Variants in NTM observed in about 807,000 individuals in gnomAD.
The protein encoded by NTM is IgLON family member 2.
In NTM, 13 loss-of-function variants were observed where a neutral mutation model predicts 42.1. That is an observed-to-expected ratio of 0.31 (90% CI 0.20 to 0.49). The LOEUF (loss-of-function observed/expected upper bound fraction) is 0.49. Among genes scored for constraint, NTM ranks in the 20% least tolerant of loss-of-function variants. NTM has a pLI of 0.99. For missense variants in NTM, 373 were observed against 452.8 expected (o/e 0.82, Z 1.60); for synonymous variants, 187 against 179.2 (o/e 1.04, Z -0.35).
intron 1 of NTM, among the ~76,000 whole-genome samples, chr11:131,608,020 A>G (rs1426364805): frequency 1.3e-5 from 2 of 152,102 alleles, no homozygotes. Context: ...CGTCATTTAC[A>G]TTAGGTATAT....
intron 2 of NTM, among the ~76,000 whole-genome samples, chr11:132,119,069 C>A (rs902733201): frequency 6.6e-6 from 1 of 152,148 alleles, no homozygotes; most frequent in African/African-American, 2.4e-5. Context: ...CATGGGTGGC[C>A]CCCATGCTCT....
At chr11:131,993,167 G>A (rs1019470396) in intron 2 of NTM, among the ~76,000 whole-genome samples, 15 of 152,158 alleles carry the variant, frequency 9.9e-5, no homozygotes, top group Admixed American at 2.0e-4. Context: ...ATCAATTTGC[G>A]TCATAGTACA....
intron 1 of NTM, among the ~76,000 whole-genome samples, chr11:131,766,215 G>C (rs777181596): frequency 2.0e-5 from 3 of 152,126 alleles, no homozygotes; most frequent in Admixed American, 6.5e-5. Flanking sequence ...ATGCCCTTTG[G>C]GTTTAAATAG....
chr11:131,793,939 A>G (rs1429041333), intron 1 of NTM, among the ~76,000 whole-genome samples: 3 of 152,222 alleles, frequency 2.0e-5, no homozygotes, highest in Non-Finnish European at 2.9e-5. Flanking sequence ...GAACGACTAG[A>G]GTGCTGGAGG....
At chr11:131,924,490 A>C (rs2057681708) in intron 2 of NTM, among the ~76,000 whole-genome samples, 1 of 152,062 alleles carries the variant, frequency 6.6e-6, no homozygotes, top group Admixed American at 6.5e-5. Context: ...GCCTCTTTTG[A>C]ATTTAGAGGT....
intron 2 of NTM, among the ~76,000 whole-genome samples, chr11:132,039,843 C>A (rs569641471): frequency 6.6e-6 from 1 of 152,284 alleles, no homozygotes; most frequent in East Asian, 1.9e-4. Flanking sequence ...CAGTAAATCA[C>A]CATGAAATCT....
intron 1 of NTM, among the ~76,000 whole-genome samples, chr11:131,443,730 A>G (rs1011917774): frequency 6.6e-6 from 1 of 152,154 alleles, no homozygotes; most frequent in African/African-American, 2.4e-5. Flanking sequence ...ATAAAAGAAG[A>G]GTGACTTCCA....
chr11:132,239,111 GAC>G (rs1262010929), intron 4 of NTM, among the ~76,000 whole-genome samples: 1 of 152,200 alleles, frequency 6.6e-6, no homozygotes, highest in African/African-American at 2.4e-5. Context: ...AGACACCAGA[GAC>G]ACTGCCGTAA....
intron 1 of NTM, among the ~76,000 whole-genome samples, chr11:131,685,069 T>C (rs576424659): frequency 3.1e-4 from 47 of 152,336 alleles, no homozygotes; most frequent in African/African-American, 1.1e-3. Flanking sequence ...CTAGAAATTC[T>C]AAGTTGGAGT....
At chr11:131,761,710 G>A (rs2084211938) in intron 1 of NTM, among the ~76,000 whole-genome samples, 1 of 152,004 alleles carries the variant, frequency 6.6e-6, no homozygotes, top group African/African-American at 2.4e-5. Context: ...TCAGGTGGCT[G>A]GGGCAGGGGA....
chr11:132,334,392 C>A (rs1291754878), intron 8 of NTM, among the ~76,000 whole-genome samples: 1 of 152,224 alleles, frequency 6.6e-6, no homozygotes, highest in African/African-American at 2.4e-5. Context: ...TCACCTCCAT[C>A]CATGTGGGCT....
chr11:132,145,598 GCAGA>G (rs1189307062), intron 2 of NTM, among the ~76,000 whole-genome samples: 1 of 152,190 alleles, frequency 6.6e-6, no homozygotes, highest in East Asian at 1.9e-4. Context: ...TTTTATATGT[GCAGA>G]CAGTTTTGAG....
At chr11:132,027,590 T>G (rs2075357583) in intron 2 of NTM, among the ~76,000 whole-genome samples, 2 of 152,198 alleles carry the variant, frequency 1.3e-5, no homozygotes, top group African/African-American at 2.4e-5. Context: ...GTATGCATGG[T>G]TTCTGAAGAG....
chr11:132,205,514 T>C (rs1263321098), intron 3 of NTM, among the ~76,000 whole-genome samples: 2 of 152,216 alleles, frequency 1.3e-5, no homozygotes, highest in East Asian at 3.9e-4. Flanking sequence ...TAACCTAATG[T>C]ATTAAACATG....
intron 1 of NTM, among the ~76,000 whole-genome samples, chr11:131,696,941 G>A (rs1030920405): frequency 6.6e-6 from 1 of 152,124 alleles, no homozygotes; most frequent in African/African-American, 2.4e-5. Flanking sequence ...TAAATCTTAA[G>A]GAATGTCACC....
intron 2 of NTM, among the ~76,000 whole-genome samples, chr11:131,991,943 C>T (rs970165426): frequency 8.6e-5 from 13 of 152,040 alleles, no homozygotes; most frequent in South Asian, 8.3e-4. Flanking sequence ...GCTTATAGTC[C>T]GTGTTTATTA....
chr11:132,069,410 C>T (rs1386366418), intron 2 of NTM, among the ~76,000 whole-genome samples: 1 of 98,940 alleles, frequency 1.0e-5, no homozygotes, highest in Non-Finnish European at 2.1e-5. Context: ...ACACGTCAAA[C>T]TGACTGTCAC....
At chr11:132,156,037 T>C (rs2137518792) in intron 3 of NTM, among the ~76,000 whole-genome samples, 1 of 152,284 alleles carries the variant, frequency 6.6e-6, no homozygotes, top group African/African-American at 2.4e-5. Context: ...AATGTGGCGT[T>C]TCAGCTCCCG....
intron 1 of NTM, among the ~76,000 whole-genome samples, chr11:131,576,994 A>C (rs937153360): frequency 2.0e-5 from 3 of 152,246 alleles, no homozygotes; most frequent in African/African-American, 7.2e-5. Flanking sequence ...CTCTCAATAC[A>C]TGGATACTAA....
Sources: allele counts gnomAD v4.1 joint callset (sites outside exome capture counted in the v4.1 genomes callset), GRCh38; gene constraint gnomAD v4.1.1; transcripts MANE v1.5; gene names NCBI Gene and HGNC (gene_info 2026-07-23, HGNC 2026-07-21).